SLC10A7: variants seen among roughly 807,000 people sequenced by gnomAD.
The protein encoded by SLC10A7 is sodium/bile acid cotransporter 7.
SLC10A7 carries 29 observed loss-of-function variants against 43.2 expected under a neutral mutation model. The observed-to-expected ratio is 0.67, with a 90% confidence interval of 0.50 to 0.92. SLC10A7 has a LOEUF of 0.92. SLC10A7 is among the 40% of genes least tolerant of loss of function. SLC10A7 has a pLI of 0.00. For missense variants in SLC10A7, 295 were observed against 403.2 expected, an observed-to-expected ratio of 0.73 and a Z score of 2.30; for synonymous variants, 152 against 144.8, an observed-to-expected ratio of 1.05 and a Z score of -0.35.
At chr4:146,344,132 A>G (rs1001011595) in intron 5 of SLC10A7, among the ~76,000 whole-genome samples, 3 of 152,044 alleles carry the variant, frequency 2.0e-5, no homozygotes, top group Non-Finnish European at 4.4e-5. Context: ...AAAGATAAAC[A>G]CAGTTAAGTT....
At chr4:146,462,011 T>A (rs746695448) in intron 4 of SLC10A7, among the ~76,000 whole-genome samples, 15 of 152,076 alleles carry the variant, frequency 9.9e-5, no homozygotes, top group Non-Finnish European at 1.9e-4. Flanking sequence ...TAGTGAATAG[T>A]TCTCATGTAA....
intron 5 of SLC10A7, among the ~76,000 whole-genome samples, chr4:146,340,386 T>G (rs1013503202): frequency 6.6e-6 from 1 of 151,852 alleles, no homozygotes; most frequent in African/African-American, 2.4e-5. Context: ...AAATTTCACC[T>G]TATGACCCAG....
chr4:146,521,609 A>G lies in SLC10A7; in HGVS notation c.100+9T>C. ...GCCGCGGTGGAGCCGGCAGAGGTGC[A>G]GCACTTACCCCCATTCACCCCTATG... On this transcript the variant is annotated intron_variant, in intron 1 of 11. Transcript: ENST00000335472. 2 of 1,610,742 alleles carry G rather than the reference A, an allele frequency of 1.2e-6. No homozygotes were observed. The highest frequency in any genetic ancestry group is 1.7e-6 in the Non-Finnish European group (2 of 1,177,152).
chr4:146,357,540 C>T (rs142120711), intron 5 of SLC10A7, among the ~76,000 whole-genome samples: 5 of 152,182 alleles, frequency 3.3e-5, no homozygotes, highest in African/African-American at 1.2e-4. Flanking sequence ...AACTACTCAT[C>T]GTCTACCTTA....
intron 4 of SLC10A7, among the ~76,000 whole-genome samples, chr4:146,470,015 C>T (rs563545941): frequency 5.3e-5 from 8 of 152,198 alleles, no homozygotes; most frequent in South Asian, 4.2e-4. Context: ...TACTCCATGA[C>T]GGGCTACGTT....
At chr4:146,431,406 G>T (rs4421008) in intron 5 of SLC10A7, among the ~76,000 whole-genome samples, 5,155 of 152,160 alleles carry the variant, frequency 0.034, 104 homozygotes, top group Non-Finnish European at 0.049. Flanking sequence ...CATATGATGG[G>T]CTTTGCTTTT....
chr4:146,464,363 T>C (rs1732816387), intron 4 of SLC10A7, among the ~76,000 whole-genome samples: 1 of 152,178 alleles, frequency 6.6e-6, no homozygotes, highest in Admixed American at 6.5e-5. Context: ...CATAAAAACA[T>C]TAATGTAGTT....
intron 2 of SLC10A7, among the ~76,000 whole-genome samples, chr4:146,510,896 A>C (rs993626257): frequency 1.3e-5 from 2 of 152,226 alleles, no homozygotes; most frequent in Admixed American, 1.3e-4. Context: ...TCTAATTCCA[A>C]ATGGCATTTC....
chr4:146,313,537 A>C (rs1374570555), intron 6 of SLC10A7, among the ~76,000 whole-genome samples: 2 of 152,090 alleles, frequency 1.3e-5, no homozygotes, highest in South Asian at 2.1e-4. Context: ...TTTTTTTTCA[A>C]GTGGTTTTAG....
chr4:146,340,782 T>C (rs1277641383), intron 5 of SLC10A7, among the ~76,000 whole-genome samples: 1 of 151,950 alleles, frequency 6.6e-6, no homozygotes, highest in Non-Finnish European at 1.5e-5. Flanking sequence ...GAAATGGATG[T>C]ACATATATTC....
At chr4:146,262,264 T>C (rs994954118) in intron 10 of SLC10A7, among the ~76,000 whole-genome samples, 4 of 152,182 alleles carry the variant, frequency 2.6e-5, no homozygotes, top group African/African-American at 9.6e-5. Flanking sequence ...AGAGTGAGAG[T>C]TAACACTTCC....
intron 5 of SLC10A7, among the ~76,000 whole-genome samples, chr4:146,389,240 A>G (rs1335793239): frequency 6.6e-6 from 1 of 152,072 alleles, no homozygotes; most frequent in East Asian, 1.9e-4. Context: ...CAACAGGTAC[A>G]CTAAAACCCA....
chr4:146,476,437 G>T (rs1014432883), intron 4 of SLC10A7, among the ~76,000 whole-genome samples: 3 of 152,044 alleles, frequency 2.0e-5, no homozygotes, highest in Non-Finnish European at 4.4e-5. Context: ...ACAAAACGAG[G>T]CGTTACCTTT....
chr4:146,326,915 CAG>C (rs1733147500), intron 5 of SLC10A7, among the ~76,000 whole-genome samples: 1 of 22,744 alleles, frequency 4.4e-5, no homozygotes, highest in Admixed American at 6.5e-4. Flanking sequence ...AAGAGAGGGA[CAG>C]ACACACACAC....
chr4:146,503,940 A>C lies in SLC10A7; in HGVS notation c.321-16T>G. The C allele has an allele frequency of 6.2e-7, 1 of 1,607,596 alleles. No individual in the cohort carries two copies. Among genetic ancestry groups the C allele is most frequent in the Non-Finnish European group, 8.5e-7 (1 of 1,174,306 alleles). On this transcript the variant is annotated splice_polypyrimidine_tract_variant and intron_variant, in intron 3 of 11. Transcript: ENST00000335472. ...TGTCTGCAAACTGAAAAATAAAAGA[A>C]AATCCAACTATAAATAATTTTATAA...
intron 4 of SLC10A7, among the ~76,000 whole-genome samples, chr4:146,468,531 A>G (rs964776642): frequency 2.0e-5 from 3 of 148,032 alleles, no homozygotes; most frequent in Non-Finnish European, 3.0e-5. Flanking sequence ...GTGCAATGGC[A>G]CAATCTCAGC....
chr4:146,431,602 G>A (rs1025301455), intron 5 of SLC10A7, among the ~76,000 whole-genome samples: 2 of 151,998 alleles, frequency 1.3e-5, no homozygotes, highest in African/African-American at 4.8e-5. Context: ...CACACGAAAA[G>A]TAATGAACAC....
intron 5 of SLC10A7, among the ~76,000 whole-genome samples, chr4:146,354,098 G>C (rs1371416163): frequency 6.7e-6 from 1 of 148,394 alleles, no homozygotes; most frequent in Admixed American, 6.7e-5. Context: ...AAGTCAAATT[G>C]TCCCTGTTTG....
chr4:146,323,193 T>C (rs1732857190), intron 6 of SLC10A7, among the ~76,000 whole-genome samples: 2 of 152,230 alleles, frequency 1.3e-5, no homozygotes, highest in Admixed American at 1.3e-4. Context: ...GGTAGTTTCT[T>C]TTGCTGTGCA....
Sources: gnomAD v4.1 joint callset for allele counts (sites outside exome capture counted in the v4.1 genomes callset) on GRCh38, gnomAD v4.1.1 for gene constraint, MANE v1.5 for transcripts, NCBI Gene and HGNC (gene_info 2026-07-23, HGNC 2026-07-21) for gene names.